ACOXL: variants seen among roughly 807,000 people sequenced by gnomAD.
ACOXL encodes the protein acyl-CoA oxidase like.
ACOXL carries 70 observed loss-of-function variants against 71.9 expected under a neutral mutation model. The ratio of observed to expected loss-of-function variants is 0.97; its 90% CI spans 0.80 to 1.19. ACOXL has a LOEUF of 1.19. ACOXL is among the 50% of genes most tolerant of loss of function. The pLI, the probability that ACOXL is intolerant of heterozygous loss-of-function variation, is 0.00. For synonymous variants in ACOXL, 253 were observed against 281.6 expected, an observed-to-expected ratio of 0.90 and a Z score of 1.02; for missense variants, 703 against 736.3, an observed-to-expected ratio of 0.95 and a Z score of 0.52.
chr2:111,092,009 T>A (rs2068552285), intron 16 of ACOXL, among the ~76,000 whole-genome samples: 1 of 152,198 alleles, frequency 6.6e-6, no homozygotes, highest in Admixed American at 6.5e-5. Context: ...GAGGGTTTTG[T>A]TTTTGCTTGG....
intron 10 of ACOXL, among the ~76,000 whole-genome samples, chr2:110,906,389 A>G (rs1382061907): frequency 6.6e-6 from 1 of 151,882 alleles, no homozygotes; most frequent in Non-Finnish European, 1.5e-5. Flanking sequence ...AATGCAAAAA[A>G]TTAGCTGGGT....
intron 2 of ACOXL, among the ~76,000 whole-genome samples, chr2:110,775,531 T>G (rs187595798): frequency 2.2e-4 from 34 of 151,876 alleles, no homozygotes; most frequent in Non-Finnish European, 4.3e-4. Flanking sequence ...AGATAAAAAC[T>G]CCTACAACTC....
At chr2:110,977,438 A>G (rs758698607) in intron 12 of ACOXL, among the ~76,000 whole-genome samples, 1 of 152,148 alleles carries the variant, frequency 6.6e-6, no homozygotes, top group Admixed American at 6.5e-5. Context: ...ATAAAATGTC[A>G]GGGAGGGAAG....
chr2:110,838,817 T>A (rs183109754), intron 9 of ACOXL, among the ~76,000 whole-genome samples: 1 of 152,318 alleles, frequency 6.6e-6, no homozygotes, highest in African/African-American at 2.4e-5. Context: ...ACCCTGGAAG[T>A]GGGTTCCCAC....
At chr2:111,085,045 A>G (rs573422664) in intron 16 of ACOXL, among the ~76,000 whole-genome samples, 1 of 152,236 alleles carries the variant, frequency 6.6e-6, no homozygotes, top group African/African-American at 2.4e-5. Flanking sequence ...CTAAATGTAT[A>G]TGTACACAAC....
At chr2:110,798,423 A>AT (rs1253443590) in intron 5 of ACOXL, among the ~76,000 whole-genome samples, 187 bp from the exon 6 acceptor site, 1 of 151,800 alleles carries the variant, frequency 6.6e-6, no homozygotes, top group Non-Finnish European at 1.5e-5. Flanking sequence ...TGCCTGGCTA[A>AT]TTTTTTGTAT....
At chr2:110,951,055 T>C (rs2061316692) in intron 12 of ACOXL, among the ~76,000 whole-genome samples, 1 of 152,188 alleles carries the variant, frequency 6.6e-6, no homozygotes, top group African/African-American at 2.4e-5. Flanking sequence ...TCAGATCAAA[T>C]GCTGAATCTG....
intron 12 of ACOXL, 59 bp downstream of exon 12, chr2:110,933,701 G>C: frequency 6.6e-7 from 1 of 1,525,868 alleles, no homozygotes; most frequent in Non-Finnish European, 8.8e-7. Context: ...CACTGGGGGA[G>C]CACTGTGGGG....
At position 110,824,805 on chromosome 2, in the gene ACOXL, A is replaced by C. The variant is rs147777153; in HGVS notation, c.754-16566A>C. On this transcript the variant is annotated intron_variant, in intron 9 of 17. Coordinates refer to ENST00000439055, the MANE Select transcript of ACOXL (RefSeq NM_001142807.4). ...ATCTAATAATTCCAACATCTGGATC[A>C]TCTTTGGGTAGGCATTTACTGATTG... Among the ~76,000 whole-genome samples, 627 of 152,290 alleles carry C rather than the reference A, an allele frequency of 4.1e-3. 4 individuals are homozygous for C. Among genetic ancestry groups the C allele is most frequent in the Non-Finnish European group, 6.9e-3 (469 of 68,026 alleles).
chr2:110,960,696 GGT>G (rs1491396042), intron 12 of ACOXL, among the ~76,000 whole-genome samples: 4 of 133,282 alleles, frequency 3.0e-5, no homozygotes, highest in East Asian at 4.3e-4. Context: ...AAATTTTCTG[GGT>G]TTTTTTTTTT....
chr2:110,832,654 G>A (rs1422508029), intron 9 of ACOXL, among the ~76,000 whole-genome samples: 1 of 152,088 alleles, frequency 6.6e-6, no homozygotes, highest in Admixed American at 6.5e-5. Flanking sequence ...TGCAGACTGG[G>A]AGAAAATATT....
chr2:111,031,521 G>T (rs2065264711), intron 14 of ACOXL, 106 bp from the exon 15 acceptor site: 2 of 987,204 alleles, frequency 2.0e-6, no homozygotes, highest in East Asian at 2.5e-5. Context: ...CTGTGTCCAT[G>T]CTTAATGTAG....
intron 16 of ACOXL, among the ~76,000 whole-genome samples, chr2:111,063,957 G>A (rs1028093143): frequency 1.3e-5 from 2 of 152,188 alleles, no homozygotes; most frequent in Non-Finnish European, 2.9e-5. Flanking sequence ...AAGGACGGAA[G>A]GAAAGCAGGC....
intron 10 of ACOXL, among the ~76,000 whole-genome samples, chr2:110,885,554 T>G (rs1697177954): frequency 6.6e-6 from 1 of 152,212 alleles, no homozygotes; most frequent in Non-Finnish European, 1.5e-5. Context: ...AGGTATAAAG[T>G]ATGTAAAGGC....
At chr2:111,022,728 AG>A (rs1320222419) in intron 14 of ACOXL, among the ~76,000 whole-genome samples, 1 of 152,150 alleles carries the variant, frequency 6.6e-6, no homozygotes, top group African/African-American at 2.4e-5. Flanking sequence ...GCCAACCAGG[AG>A]GCAGGGAGGG....
chr2:110,846,700 A>G (rs1691928047), intron 10 of ACOXL, among the ~76,000 whole-genome samples: 1 of 124,902 alleles, frequency 8.0e-6, no homozygotes, highest in Non-Finnish European at 1.7e-5. Flanking sequence ...CACCCCAACC[A>G]CTTCCACTGC....
chr2:110,746,566 G>A (rs1171490011), intron 1 of ACOXL, among the ~76,000 whole-genome samples: 3 of 152,132 alleles, frequency 2.0e-5, no homozygotes, highest in African/African-American at 7.2e-5. Context: ...GCCTCCATGA[G>A]GGGGCTTCCT....
chr2:110,829,721 G>T (rs938086775), intron 9 of ACOXL, among the ~76,000 whole-genome samples: 1 of 152,174 alleles, frequency 6.6e-6, no homozygotes, highest in Non-Finnish European at 1.5e-5. Context: ...GAGTGTGTGT[G>T]TATGTATCTG....
chr2:110,910,937 T>A (rs1270462496), intron 11 of ACOXL, among the ~76,000 whole-genome samples: 1 of 152,212 alleles, frequency 6.6e-6, no homozygotes, highest in Non-Finnish European at 1.5e-5. Context: ...AAAATTTTAA[T>A]ACTGCTTAAG....
Sources: allele counts gnomAD v4.1 joint callset (sites outside exome capture counted in the v4.1 genomes callset), GRCh38; gene constraint gnomAD v4.1.1; transcripts MANE v1.5; gene names NCBI Gene and HGNC (gene_info 2026-07-23, HGNC 2026-07-21).